The following OXCT1 variants were observed in gnomAD, a reference collection of about 807,000 sequenced individuals.
OXCT1 encodes the protein 3-oxoacid CoA-transferase 1.
Under a neutral mutation model 69.6 loss-of-function variants are expected in OXCT1, and 27 were observed. The observed-to-expected ratio is 0.39, with a 90% confidence interval of 0.29 to 0.54. The LOEUF (loss-of-function observed/expected upper bound fraction) is 0.54. Among genes scored for constraint, OXCT1 ranks in the 20% least tolerant of loss-of-function variants. The pLI, the probability that OXCT1 is intolerant of heterozygous loss-of-function variation, is 0.72. For synonymous variants in OXCT1, 202 were observed against 217.8 expected (o/e 0.93, Z 0.64); for missense variants, 437 against 650.2 (o/e 0.67, Z 3.57).
chr5:41,789,367 A>C (rs1745804343), intron 13 of OXCT1, among the ~76,000 whole-genome samples: 1 of 152,234 alleles, frequency 6.6e-6, no homozygotes, highest in Non-Finnish European at 1.5e-5. Flanking sequence ...CCATAAATGC[A>C]GAGAATTTTG....
At chr5:41,822,295 C>T (rs1266811282) in intron 7 of OXCT1, among the ~76,000 whole-genome samples, 5 of 151,906 alleles carry the variant, frequency 3.3e-5, no homozygotes, top group African/African-American at 7.3e-5. Flanking sequence ...GCTAGTTCTG[C>T]GGTAGTGGTT....
chr5:41,798,645 T>G (rs1261344077), intron 11 of OXCT1, among the ~76,000 whole-genome samples: 1 of 152,198 alleles, frequency 6.6e-6, no homozygotes, highest in African/African-American at 2.4e-5. Context: ...TAATCAAAAG[T>G]TAAGTCATTT....
At chr5:41,815,667 C>T (rs750075085) in intron 7 of OXCT1, among the ~76,000 whole-genome samples, 2 of 152,122 alleles carry the variant, frequency 1.3e-5, no homozygotes, top group Non-Finnish European at 2.9e-5. Flanking sequence ...AATTAAAATA[C>T]ATCTAACATG....
chr5:41,847,105 C>T (rs1352779839), intron 5 of OXCT1, among the ~76,000 whole-genome samples: 3 of 151,722 alleles, frequency 2.0e-5, no homozygotes, highest in African/African-American at 2.4e-5. Context: ...GATATCACCA[C>T]CGATCCCACA....
Position 41,741,368 on chromosome 5 carries a change from T to C in OXCT1, c.1420-1877A>G, listed in dbSNP as rs541241316. ...CACGTAGAGAAAAGAACCCTGGCCT[T>C]TGAGCTCAGTGAGAATTCCACTCTG... On this transcript the variant is annotated intron_variant, in intron 15 of 16. Coordinates refer to ENST00000196371, the MANE Select transcript of OXCT1 (RefSeq NM_000436.4). Among the ~76,000 whole-genome samples, 16 of 152,300 alleles carry C rather than the reference T, an allele frequency of 1.1e-4. 1 individual carries two copies. The highest frequency in any genetic ancestry group is 9.2e-4 in the Admixed American group (14 of 15,298).
chr5:41,835,589 T>C (rs546790622), intron 7 of OXCT1, among the ~76,000 whole-genome samples: 1 of 152,358 alleles, frequency 6.6e-6, no homozygotes, highest in African/African-American at 2.4e-5. Flanking sequence ...ATCTAAGCAA[T>C]TCTTTTACAG....
chr5:41,859,905 TATAC>T (rs1299267768), intron 3 of OXCT1, among the ~76,000 whole-genome samples: 3 of 139,812 alleles, frequency 2.1e-5, no homozygotes, highest in African/African-American at 2.6e-5. Context: ...TATATATATA[TATAC>T]ACACACACAC....
chr5:41,801,508 T>C (rs957787542), intron 10 of OXCT1, among the ~76,000 whole-genome samples: 4 of 152,094 alleles, frequency 2.6e-5, no homozygotes, highest in Admixed American at 1.3e-4. Flanking sequence ...CTGGCCAACA[T>C]AGTGACACCC....
intron 7 of OXCT1, among the ~76,000 whole-genome samples, chr5:41,836,608 G>A (rs1448926490): frequency 6.6e-6 from 1 of 152,140 alleles, no homozygotes; most frequent in Non-Finnish European, 1.5e-5. Context: ...GGATGAAACT[G>A]TTCCACCTCA....
intron 15 of OXCT1, among the ~76,000 whole-genome samples, chr5:41,747,515 G>A (rs974934646): frequency 6.6e-6 from 1 of 152,086 alleles, no homozygotes; most frequent in Non-Finnish European, 1.5e-5. Context: ...AGTGGTTTGT[G>A]CTAAGTTAGG....
At chr5:41,854,037 G>A (rs1482052681) in intron 3 of OXCT1, among the ~76,000 whole-genome samples, 2 of 152,174 alleles carry the variant, frequency 1.3e-5, no homozygotes, top group Admixed American at 6.5e-5. Context: ...CTAAAAAGGA[G>A]AGAGGGGCAT....
chr5:41,767,383 A>G (rs561938284), intron 13 of OXCT1, among the ~76,000 whole-genome samples: 131 of 152,294 alleles, frequency 8.6e-4, no homozygotes, highest in African/African-American at 2.9e-3. Flanking sequence ...TACTTACAAT[A>G]AAAATCAGTT....
In OXCT1 at chr5:41,820,526, C is replaced by T. The variant is rs545871652; in HGVS notation, c.733-13088G>A. Among the ~76,000 whole-genome samples the T allele has an allele frequency of 1.4e-4, 22 of 152,240 alleles. No homozygotes were observed. In the East Asian group the frequency reaches 3.3e-3, roughly 23 times the overall value. On this transcript the variant is annotated intron_variant, in intron 7 of 16. Coordinates refer to ENST00000196371, the MANE Select transcript of OXCT1 (RefSeq NM_000436.4). ...GAATTGTTGATATGTTTTACTATAA[C>T]TTAAAATATCTTTCGTTAGGGATTA...
At chr5:41,778,978 T>C (rs1745264387) in intron 13 of OXCT1, among the ~76,000 whole-genome samples, 1 of 152,242 alleles carries the variant, frequency 6.6e-6, no homozygotes, top group East Asian at 1.9e-4. Context: ...TGGAATGTGA[T>C]TTTCACCATA....
chr5:41,812,270 A>G (rs552372102), intron 7 of OXCT1, among the ~76,000 whole-genome samples: 12 of 152,224 alleles, frequency 7.9e-5, no homozygotes, highest in Admixed American at 7.9e-4. Context: ...TGGTCTTTGA[A>G]GAAAAAAATT....
chr5:41,743,991 A>C (rs1210354499), intron 15 of OXCT1, among the ~76,000 whole-genome samples: 2 of 152,042 alleles, frequency 1.3e-5, no homozygotes, highest in Non-Finnish European at 2.9e-5. Flanking sequence ...ATGAACTTTA[A>C]AGTAGTTTGT....
intron 13 of OXCT1, among the ~76,000 whole-genome samples, chr5:41,764,851 G>A (rs990595276): frequency 2.6e-5 from 4 of 152,158 alleles, no homozygotes; most frequent in Non-Finnish European, 5.9e-5. Context: ...CACACAAGTA[G>A]CCCATTAGGT....
Position 41,765,592 on chromosome 5 carries a change from T to C in OXCT1, c.1249-3392A>G, listed in dbSNP as rs553745543. 7.2e-5 allele frequency among the ~76,000 whole-genome samples: 11 copies of C among 152,280 alleles called. No individual in the cohort carries two copies. In the Middle Eastern group the frequency reaches 0.01, roughly 141 times the overall value. On this transcript the variant is annotated intron_variant, in intron 13 of 16. Coordinates refer to ENST00000196371, the MANE Select transcript of OXCT1 (RefSeq NM_000436.4). ...ATTCAGTGTCAAATTAGAACTGTTA[T>C]AGCTGCACAACAGAAGGGGATCTGA... is the stretch of plus-strand genomic sequence containing the variant.
At chr5:41,832,790 A>T (rs1748161562) in intron 7 of OXCT1, among the ~76,000 whole-genome samples, 1 of 152,194 alleles carries the variant, frequency 6.6e-6, no homozygotes. Context: ...TCAGAATTCT[A>T]TCAGATAAAT....
Sources: gnomAD v4.1 joint callset for allele counts (sites outside exome capture counted in the v4.1 genomes callset) on GRCh38, gnomAD v4.1.1 for gene constraint, MANE v1.5 for transcripts, NCBI Gene and HGNC (gene_info 2026-07-23, HGNC 2026-07-21) for gene names.